The following RSRC1 variants were observed in gnomAD, a reference collection of about 807,000 sequenced individuals.
RSRC1 encodes the protein arginine and serine rich coiled-coil 1.
RSRC1 carries 39 observed loss-of-function variants against 49.1 expected under a neutral mutation model. The observed-to-expected ratio is 0.79, with a 90% CI of 0.61 to 1.04. The LOEUF is 1.04. Ranked by LOEUF, RSRC1 falls within the 50% of genes least tolerant of loss-of-function variation. The pLI, the probability that RSRC1 is intolerant of heterozygous loss-of-function variation, is 0.00. For synonymous variants in RSRC1, 143 were observed against 130.8 expected, an observed-to-expected ratio of 1.09 and a Z score of -0.63; for missense variants, 388 against 402.4, an observed-to-expected ratio of 0.96 and a Z score of 0.31.
chr3:158,380,943 AT>A (rs141024992), intron 6 of RSRC1, among the ~76,000 whole-genome samples: 6 of 151,568 alleles, frequency 4.0e-5, no homozygotes, highest in South Asian at 2.1e-4. Flanking sequence ...TTATACAAGG[AT>A]TTTTTTTTAC....
In RSRC1 at chr3:158,278,342, C is replaced by T. The variant is rs542748665; in HGVS notation, c.495-19697C>T. On this transcript the variant is annotated intron_variant, in intron 4 of 9. Transcript: ENST00000611884. ...TCACAAGCTTTGTAGATTTGTCCAA[C>T]TAAGCCTCTTTCCGCTCTCTGTTGT... Among the ~76,000 whole-genome samples the T allele has an allele frequency of 2.6e-5, 4 of 152,356 alleles. No homozygotes were observed. The South Asian group carries it at 8.3e-4, about 32-fold the overall frequency.
At chr3:158,358,282 T>C (rs1262926411) in intron 6 of RSRC1, among the ~76,000 whole-genome samples, 2 of 152,256 alleles carry the variant, frequency 1.3e-5, no homozygotes, top group African/African-American at 4.8e-5. Context: ...TTATAGGCGA[T>C]AATTCACCTG....
At chr3:158,384,918 T>G (rs1732887746) in intron 6 of RSRC1, among the ~76,000 whole-genome samples, 1 of 152,040 alleles carries the variant, frequency 6.6e-6, no homozygotes, top group Non-Finnish European at 1.5e-5. Context: ...CAAATAAAGC[T>G]TATTCTAAGC....
At chr3:158,167,781 T>A (rs192909375) in intron 3 of RSRC1, among the ~76,000 whole-genome samples, 77 of 152,326 alleles carry the variant, frequency 5.1e-4, no homozygotes, top group African/African-American at 1.7e-3. Flanking sequence ...AGGAAAATGT[T>A]ACTCTAGGAT....
At chr3:158,235,629 T>A (rs926570765) in intron 4 of RSRC1, among the ~76,000 whole-genome samples, 6 of 136,302 alleles carry the variant, frequency 4.4e-5, no homozygotes, top group Non-Finnish European at 9.4e-5. Flanking sequence ...AATTTTTACT[T>A]AAGATTAAAT....
chr3:158,148,077 T>C (rs1460448199), intron 3 of RSRC1, among the ~76,000 whole-genome samples: 4 of 152,236 alleles, frequency 2.6e-5, no homozygotes, highest in Admixed American at 6.5e-5. Flanking sequence ...GAGATATTGT[T>C]ACTATTAAAC....
intron 4 of RSRC1, among the ~76,000 whole-genome samples, chr3:158,226,259 G>GGGAA (rs573459282): frequency 1.1e-3 from 161 of 152,054 alleles, no homozygotes; most frequent in African/African-American, 3.6e-3. Context: ...AAGTAAAACA[G>GGGAA]GGAAGCCCTT....
intron 6 of RSRC1, among the ~76,000 whole-genome samples, chr3:158,444,621 G>C (rs940316317): frequency 1.1e-4 from 16 of 151,968 alleles, no homozygotes; most frequent in South Asian, 2.1e-4. Flanking sequence ...GTCTAAAACA[G>C]CAAAAGCAAT....
intron 6 of RSRC1, among the ~76,000 whole-genome samples, chr3:158,397,693 C>T (rs1171603242): frequency 6.6e-6 from 1 of 152,024 alleles, no homozygotes; most frequent in Non-Finnish European, 1.5e-5. Context: ...CCCAGTCACA[C>T]AAGTTTTCTT....
chr3:158,518,724 A>T lies in RSRC1; in HGVS notation c.653-18368A>T, dbSNP rs183147078. On this transcript the variant is annotated intron_variant, in intron 7 of 9. Transcript: ENST00000611884. ...AATCTAGTATAATTTTTCTAATCAC[A>T]TGCAAACTCTGAGCAGCATTTAACT... 1.6e-3 allele frequency among the ~76,000 whole-genome samples: 249 copies of T among 152,240 alleles called. 2 individuals carry two copies. The highest frequency in any genetic ancestry group is 4.3e-3 in the South Asian group (21 of 4,828).
At chr3:158,199,354 T>G (rs1332746274) in intron 3 of RSRC1, among the ~76,000 whole-genome samples, 1 of 152,204 alleles carries the variant, frequency 6.6e-6, no homozygotes, top group Non-Finnish European at 1.5e-5. Context: ...TGAGTTCATG[T>G]GATGTCTCCA....
At chr3:158,463,127 T>C (rs1737704019) in intron 7 of RSRC1, among the ~76,000 whole-genome samples, 1 of 152,062 alleles carries the variant, frequency 6.6e-6, no homozygotes, top group South Asian at 2.1e-4. Flanking sequence ...AATAATCTCA[T>C]TGAAAGTATA....
At chr3:158,243,727 T>G (rs1723725719) in intron 4 of RSRC1, among the ~76,000 whole-genome samples, 1 of 152,140 alleles carries the variant, frequency 6.6e-6, no homozygotes, top group African/African-American at 2.4e-5. Flanking sequence ...TGAGCACTGG[T>G]TCTTAGTTCT....
At chr3:158,405,913 A>G (rs1734140804) in intron 6 of RSRC1, among the ~76,000 whole-genome samples, 1 of 152,112 alleles carries the variant, frequency 6.6e-6, no homozygotes. Context: ...AATTCTCAAA[A>G]TTTACTTTAA....
chr3:158,325,566 C>G (rs1729080061), intron 5 of RSRC1, among the ~76,000 whole-genome samples: 3 of 152,172 alleles, frequency 2.0e-5, no homozygotes. Flanking sequence ...TCTGAGGGCT[C>G]TATTCTGTTC....
At chr3:158,345,836 TAAA>T (rs1730524875) in intron 5 of RSRC1, among the ~76,000 whole-genome samples, 1 of 148,058 alleles carries the variant, frequency 6.8e-6, no homozygotes, top group Non-Finnish European at 1.5e-5. Context: ...TATATAATAA[TAAA>T]CAATAATATA....
intron 6 of RSRC1, among the ~76,000 whole-genome samples, chr3:158,449,559 T>C (rs1438528462): frequency 6.6e-6 from 1 of 151,880 alleles, no homozygotes; most frequent in Non-Finnish European, 1.5e-5. Context: ...AAATGGAGAA[T>C]CGTGAGAAAT....
At chr3:158,340,424 C>T (rs898803932) in intron 5 of RSRC1, among the ~76,000 whole-genome samples, 11 of 152,122 alleles carry the variant, frequency 7.2e-5, no homozygotes, top group Admixed American at 6.5e-4. Context: ...ACCTGTAGTC[C>T]TAGCTACTCA....
intron 6 of RSRC1, among the ~76,000 whole-genome samples, chr3:158,460,518 T>C (rs913002949): frequency 1.3e-5 from 2 of 151,896 alleles, no homozygotes; most frequent in African/African-American, 2.4e-5. Context: ...GCTACCTAAT[T>C]TGATACTGTT....
Sources: gnomAD v4.1 joint callset for allele counts (sites outside exome capture counted in the v4.1 genomes callset) on GRCh38, gnomAD v4.1.1 for gene constraint, MANE v1.5 for transcripts, NCBI Gene and HGNC (gene_info 2026-07-23, HGNC 2026-07-21) for gene names.